ZNF385B: variants seen among roughly 807,000 people sequenced by gnomAD.
The protein encoded by ZNF385B is zinc finger protein 385B.
ZNF385B carries 23 observed loss-of-function variants against 39.2 expected under a neutral mutation model. The ratio of observed to expected loss-of-function variants is 0.59; its 90% CI spans 0.42 to 0.83. The LOEUF is 0.83. Ranked by LOEUF, ZNF385B falls within the 40% of genes least tolerant of loss-of-function variation. The pLI, the probability that ZNF385B is intolerant of heterozygous loss-of-function variation, is 0.00. For synonymous variants in ZNF385B, 205 were observed against 222.6 expected (o/e 0.92, Z 0.70); for missense variants, 552 against 598.9 (o/e 0.92, Z 0.82).
intron 1 of ZNF385B, among the ~76,000 whole-genome samples, chr2:179,783,756 G>A (rs571072190): frequency 6.6e-6 from 1 of 152,154 alleles, no homozygotes; most frequent in African/African-American, 2.4e-5. Flanking sequence ...TTAGAGAAAT[G>A]CCAATCAAAA....
At chr2:179,778,245 C>T (rs1704457950) in intron 1 of ZNF385B, among the ~76,000 whole-genome samples, 1 of 152,212 alleles carries the variant, frequency 6.6e-6, no homozygotes, top group South Asian at 2.1e-4. Context: ...TGCTGTGCAG[C>T]ATGAAACAGC....
chr2:179,857,054 A>C (rs1480700), intron 1 of ZNF385B, among the ~76,000 whole-genome samples: 11,462 of 152,196 alleles, frequency 0.075, 515 homozygotes, highest in African/African-American at 0.1. Context: ...TCCTGGGCTT[A>C]TTCCTAAACT....
At position 179,483,460 on chromosome 2, in the gene ZNF385B, A is replaced by G. The variant is rs189275857; in HGVS notation, c.553-26T>C. The stretch of plus-strand genomic sequence containing the variant: ...CTACAAAGGAGAACAAATCAGGCTC[A>G]TTTTTTTGCTAATTACAAACACCAC... On this transcript the variant is annotated intron_variant, in intron 5 of 9. Coordinates refer to ENST00000410066, the MANE Select transcript of ZNF385B (RefSeq NM_152520.6). The G allele has an allele frequency of 6.6e-5, 107 of 1,612,864 alleles. No individual in the cohort carries two copies. The Admixed American group carries it at 1.4e-3, about 21-fold the overall frequency.
At chr2:179,445,052 T>A in intron 8 of ZNF385B, 75 bp from the exon 9 acceptor site, 1 of 1,295,998 alleles carries the variant, frequency 7.7e-7, no homozygotes, top group Non-Finnish European at 1.1e-6. Context: ...TAGGTAGCTA[T>A]TTTCTCCATT....
intron 3 of ZNF385B, among the ~76,000 whole-genome samples, chr2:179,545,218 T>C (rs574492384): frequency 6.6e-6 from 1 of 152,308 alleles, no homozygotes; most frequent in African/African-American, 2.4e-5. Flanking sequence ...CCAGGACACC[T>C]AGTAGACAGA....
chr2:179,612,983 A>G (rs567390362), intron 3 of ZNF385B, among the ~76,000 whole-genome samples: 5 of 152,296 alleles, frequency 3.3e-5, no homozygotes, highest in African/African-American at 1.2e-4. Flanking sequence ...TTCCCTTCGC[A>G]TAAGCAGAAG....
At chr2:179,838,956 C>T (rs373285154) in intron 1 of ZNF385B, among the ~76,000 whole-genome samples, 162 of 150,628 alleles carry the variant, frequency 1.1e-3, no homozygotes, top group African/African-American at 3.7e-3. Context: ...CTGCTCCTTG[C>T]AAAAGTGTGG....
intron 3 of ZNF385B, among the ~76,000 whole-genome samples, chr2:179,595,914 A>G (rs1218716137): frequency 6.6e-6 from 1 of 152,142 alleles, no homozygotes. Flanking sequence ...TTATAACTTC[A>G]TAGAAACTAT....
chr2:179,512,298 C>T (rs1337700410), intron 5 of ZNF385B, among the ~76,000 whole-genome samples: 3 of 151,968 alleles, frequency 2.0e-5, no homozygotes, highest in Non-Finnish European at 4.4e-5. Context: ...TCAAGTTGCC[C>T]TGTTTTGTGT....
chr2:179,757,048 A>T (rs1195368663), intron 3 of ZNF385B, among the ~76,000 whole-genome samples: 1 of 152,140 alleles, frequency 6.6e-6, no homozygotes, highest in African/African-American at 2.4e-5. Context: ...TCTGATTTTT[A>T]GAATTTTCAG....
chr2:179,632,072 A>G (rs1691277522), intron 3 of ZNF385B, among the ~76,000 whole-genome samples: 1 of 152,168 alleles, frequency 6.6e-6, no homozygotes, highest in Admixed American at 6.5e-5. Flanking sequence ...AGACCTACAA[A>G]GAGACTTAGA....
At chr2:179,820,170 G>A (rs1419272317) in intron 1 of ZNF385B, among the ~76,000 whole-genome samples, 1 of 151,734 alleles carries the variant, frequency 6.6e-6, no homozygotes, top group Non-Finnish European at 1.5e-5. Context: ...ATAAAAGTTT[G>A]ATAATTTTCT....
intron 3 of ZNF385B, among the ~76,000 whole-genome samples, chr2:179,584,452 G>A (rs1446129953): frequency 6.6e-6 from 1 of 152,116 alleles, no homozygotes; most frequent in Non-Finnish European, 1.5e-5. Flanking sequence ...TTCTGAAGGA[G>A]GCAACACCTT....
intron 1 of ZNF385B, among the ~76,000 whole-genome samples, chr2:179,829,714 C>T (rs1056623274): frequency 2.0e-5 from 3 of 152,088 alleles, no homozygotes; most frequent in African/African-American, 2.4e-5. Flanking sequence ...GGGGTTTCAC[C>T]GTGTTAGCCA....
intron 3 of ZNF385B, among the ~76,000 whole-genome samples, chr2:179,646,699 T>C (rs781717256): frequency 6.6e-6 from 1 of 152,206 alleles, no homozygotes; most frequent in Non-Finnish European, 1.5e-5. Context: ...ATTAAAATCG[T>C]AGCCTACAAT....
rs536993374 is a variant in ZNF385B at position 179,804,961 on chromosome 2, A to G, written c.-154-34289T>C. Among the ~76,000 whole-genome samples the G allele has an allele frequency of 3.3e-5, 5 of 152,288 alleles. No individual in the cohort carries two copies. In the South Asian group the frequency reaches 1.0e-3, roughly 32 times the overall value. On this transcript the variant is annotated intron_variant, in intron 1 of 9. Transcript: ENST00000410066. ...TTGATAATCTCTAGAGGGGCTTCCAACAATTCCTCCAGTTCAATATACTCA... is the reference window on the plus strand; with the variant it reads ...TTGATAATCTCTAGAGGGGCTTCCAGCAATTCCTCCAGTTCAATATACTCA...
chr2:179,493,756 CAT>C (rs1189830128), intron 5 of ZNF385B, among the ~76,000 whole-genome samples: 11 of 81,068 alleles, frequency 1.4e-4, no homozygotes, highest in South Asian at 3.7e-4. Flanking sequence ...TGTGTATATA[CAT>C]ATATGTATAC....
At chr2:179,774,217 TA>T (rs1220312659) in intron 1 of ZNF385B, among the ~76,000 whole-genome samples, 1 of 151,768 alleles carries the variant, frequency 6.6e-6, no homozygotes, top group Admixed American at 6.6e-5. Context: ...GTGTGGGATG[TA>T]CGGGGAGTGT....
intron 3 of ZNF385B, among the ~76,000 whole-genome samples, chr2:179,730,355 C>G (rs750714095): frequency 1.3e-5 from 2 of 152,148 alleles, no homozygotes; most frequent in African/African-American, 2.4e-5. Context: ...TTATATAATT[C>G]TAGAAAAGGA....
Sources: allele counts gnomAD v4.1 joint callset (sites outside exome capture counted in the v4.1 genomes callset), GRCh38; gene constraint gnomAD v4.1.1; transcripts MANE v1.5; gene names NCBI Gene and HGNC (gene_info 2026-07-23, HGNC 2026-07-21).